INTS3: variants seen among roughly 807,000 people sequenced by gnomAD.
The protein encoded by INTS3 is SOSS complex subunit A.
In INTS3, 34 loss-of-function variants were observed where a neutral mutation model predicts 146.3. The ratio of observed to expected loss-of-function variants is 0.23; its 90% CI spans 0.18 to 0.31. The LOEUF (loss-of-function observed/expected upper bound fraction) is 0.31, where lower values mean the gene tolerates loss of function less well. INTS3 is among the 10% of genes least tolerant of loss of function. The pLI is 1.00. For missense variants in INTS3, 757 were observed against 1,304.2 expected (o/e 0.58, Z 6.46); for synonymous variants, 475 against 494.9 (o/e 0.96, Z 0.53).
chr1:153,742,348 C>G (rs529655985), intron 3 of INTS3, among the ~76,000 whole-genome samples: 1 of 152,224 alleles, frequency 6.6e-6, no homozygotes, highest in African/African-American at 2.4e-5. Context: ...ATGAATGTTT[C>G]CAGTTGGGTG....
intron 23 of INTS3, 134 bp from the exon 24 acceptor site, chr1:153,770,061 GTGT>G (rs1558010063): frequency 0.041 from 637 of 15,444 alleles, 4 homozygotes; most frequent in African/African-American, 0.15. Context: ...GGATTGGGGT[GTGT>G]GTGTGTGTGT....
rs1183677475 is a variant in INTS3 at position 153,728,658 on chromosome 1, G to C, written c.24G>C (p.Gly8=). The change falls in exon 1 of 30, where the codon GGG becomes GGC. Residue 8 remains glycine, a synonymous_variant. Transcript: ENST00000318967. ...CCATGGAGTTGCAGAAGGGAAAAGG[G>C]GCGGCAGCAGCAGCAGCTGCTTCGG... The part of the protein sequence containing the change: MELQKGK[G]AAAAAAASGA... 1.2e-6 allele frequency: 2 copies of C among 1,606,384 alleles called. No homozygotes were observed. Among genetic ancestry groups the C allele is most frequent in the South Asian group, 1.1e-5 (1 of 90,744 alleles).
intron 1 of INTS3, among the ~76,000 whole-genome samples, chr1:153,737,474 T>G (rs770835845): frequency 6.6e-5 from 10 of 152,204 alleles, no homozygotes; most frequent in Non-Finnish European, 8.8e-5. Context: ...TTAATGCAGC[T>G]ATTTTCATCC....
In INTS3 at chr1:153,773,426, T is replaced by G; in HGVS notation, c.*156T>G. ...AGGAGCTTTCTCCTCTGGCTGAGTTTGAGAAGCTGCCATGCAGCCCCTAGC... is the reference window on the plus strand; with the variant it reads ...AGGAGCTTTCTCCTCTGGCTGAGTTGGAGAAGCTGCCATGCAGCCCCTAGC... On this transcript the variant is annotated 3_prime_UTR_variant, in exon 30 of 30. Transcript: ENST00000318967. 1.4e-6 allele frequency: 1 copy of G among 708,378 alleles called. No homozygotes were observed. The highest frequency in any genetic ancestry group is 1.7e-5 in the South Asian group (1 of 58,794). 43.9% of individuals were successfully genotyped at this position (708,378 alleles called of 1,614,324 possible). A position where few individuals can be genotyped will look rare whatever the true frequency, so the allele number is the denominator to read the frequency against.
intron 5 of INTS3, chr1:153,747,726 A>C: frequency 3.6e-6 from 1 of 278,984 alleles, no homozygotes; most frequent in Non-Finnish European, 6.9e-6. Context: ...TGCTTTCAGA[A>C]ACCTAGACAT....
chr1:153,762,586 T>C (rs528125582), intron 14 of INTS3, 142 bp from the exon 15 acceptor site: 2 of 982,032 alleles, frequency 2.0e-6, no homozygotes, highest in Non-Finnish European at 3.0e-6. Flanking sequence ...GTCAAGAGGT[T>C]TGTCCTCCCA....
At chr1:153,743,633 C>T (rs1248856304) in intron 3 of INTS3, among the ~76,000 whole-genome samples, 1 of 152,204 alleles carries the variant, frequency 6.6e-6, no homozygotes, top group East Asian at 1.9e-4. Flanking sequence ...GCCCTCTTGG[C>T]AGCCCTTAGG....
intron 1 of INTS3, among the ~76,000 whole-genome samples, chr1:153,731,524 A>G (rs1424417719): frequency 6.6e-6 from 1 of 151,614 alleles, no homozygotes; most frequent in Non-Finnish European, 1.5e-5. Context: ...CTTCTGCCAA[A>G]GAGGGACCAA....
chr1:153,754,561 T>C, intron 8 of INTS3, 81 bp from the exon 9 acceptor site: 3 of 970,492 alleles, frequency 3.1e-6, no homozygotes, highest in Non-Finnish European at 5.0e-6. Flanking sequence ...CATCAGTACC[T>C]GGCCCAGGTT....
chr1:153,753,828 G>A (rs1286685641), intron 8 of INTS3: 1 of 151,842 alleles, frequency 6.6e-6, no homozygotes, highest in Non-Finnish European at 1.5e-5. Flanking sequence ...GGTAAATGTT[G>A]TATTTTTGTA....
Position 153,768,905 on chromosome 1 carries a change from A to G in INTS3, c.2257A>G (p.Thr753Ala). ...PSIYTEFPDETLRSGELLNMI... is the reference protein window; with the variant it reads ...PSIYTEFPDEALRSGELLNMI... Reference sequence around the variant, plus strand: ...TTTTTCCATTTAGTTTCCAGATGAAACCTTGAGGAGCGGAGAGCTGCTGAA... The same window carrying G: ...TTTTTCCATTTAGTTTCCAGATGAAGCCTTGAGGAGCGGAGAGCTGCTGAA... Residue 753 changes from threonine to alanine, a missense_variant, in exon 22 of 30, where the codon ACC becomes GCC. By Grantham distance (58) the Thr-to-Ala change is moderately conservative. Transcript: ENST00000318967. 1 of 1,613,760 alleles carries G rather than the reference A, an allele frequency of 6.2e-7. No individual in the cohort carries two copies. Among genetic ancestry groups the G allele is most frequent in the Non-Finnish European group, 8.5e-7 (1 of 1,179,866 alleles).
intron 23 of INTS3, 60 bp from the exon 24 acceptor site, chr1:153,770,138 T>A (rs1394465693): frequency 4.0e-5 from 25 of 623,840 alleles, no homozygotes; most frequent in African/African-American, 1.1e-4. Flanking sequence ...GGGGGGGGTG[T>A]GTGTGTGTGT....
At chr1:153,732,559 C>T (rs146235761) in intron 1 of INTS3, among the ~76,000 whole-genome samples, 3 of 152,034 alleles carry the variant, frequency 2.0e-5, no homozygotes, top group Non-Finnish European at 4.4e-5. Context: ...GATTCTCCTG[C>T]GTCAGCCTCC....
chr1:153,746,567 AT>A (rs545027582), intron 3 of INTS3, among the ~76,000 whole-genome samples: 1,752 of 152,160 alleles, frequency 0.012, 14 homozygotes, highest in Middle Eastern at 0.034. Context: ...TGCCCGGCTA[AT>A]TTTTTTGTAT....
intron 1 of INTS3, among the ~76,000 whole-genome samples, chr1:153,733,197 CTTTTTTTTTTTTTTTTT>C (rs60492889): frequency 4.7e-5 from 2 of 42,728 alleles, no homozygotes; most frequent in African/African-American, 1.7e-4. Context: ...TTACCGAATG[CTTTTTTTTTTTTTTTTT>C]TTTTTTTTTT....
intron 25 of INTS3, 46 bp downstream of exon 25, chr1:153,770,779 C>G (rs79794111): frequency 6.8e-7 from 1 of 1,469,650 alleles, no homozygotes; most frequent in Non-Finnish European, 9.5e-7. Context: ...TTTAACATCC[C>G]AAGAGCTGCT....
At chr1:153,748,416 CA>C in intron 5 of INTS3, 1 of 473,684 alleles carries the variant, frequency 2.1e-6, no homozygotes, top group Middle Eastern at 5.9e-4. Flanking sequence ...CGTTCATTTT[CA>C]AGGGCCAAAA....
At chr1:153,756,824 AT>A (rs1186640389) in intron 9 of INTS3, among the ~76,000 whole-genome samples, 1 of 152,256 alleles carries the variant, frequency 6.6e-6, no homozygotes, top group South Asian at 2.1e-4. Context: ...CTCAAAAAAA[AT>A]AAAATAAATA....
At chr1:153,729,725 G>C (rs1324480737) in intron 1 of INTS3, among the ~76,000 whole-genome samples, 3 of 152,100 alleles carry the variant, frequency 2.0e-5, no homozygotes, top group African/African-American at 4.8e-5. Flanking sequence ...AATTAGCTGG[G>C]CATGGTGGCT....
Sources: allele counts gnomAD v4.1 joint callset (sites outside exome capture counted in the v4.1 genomes callset), GRCh38; gene constraint gnomAD v4.1.1; transcripts MANE v1.5; gene names NCBI Gene and HGNC (gene_info 2026-07-23, HGNC 2026-07-21).